The following GRIK2 variants were observed in gnomAD, a reference collection of about 807,000 sequenced individuals.
GRIK2 encodes glutamate receptor ionotropic, kainate 2.
In GRIK2, 32 loss-of-function variants were observed where a neutral mutation model predicts 100.3. That is an observed-to-expected ratio of 0.32 (90% CI 0.24 to 0.43). GRIK2 has a LOEUF of 0.43. GRIK2 is among the 20% of genes least tolerant of loss of function. GRIK2 has a pLI of 1.00. For missense variants in GRIK2, 843 were observed against 1,114.9 expected, an observed-to-expected ratio of 0.76 and a Z score of 3.47; for synonymous variants, 417 against 389.4, an observed-to-expected ratio of 1.07 and a Z score of -0.83.
chr6:101,798,443 A>T (rs572526433), intron 7 of GRIK2, among the ~76,000 whole-genome samples: 1 of 152,108 alleles, frequency 6.6e-6, no homozygotes, highest in East Asian at 1.9e-4. Context: ...GAAGGTTTGG[A>T]ATCTGAGTTA....
intron 7 of GRIK2, among the ~76,000 whole-genome samples, chr6:101,753,533 C>T (rs927423188): frequency 6.6e-6 from 1 of 151,824 alleles, no homozygotes; most frequent in Non-Finnish European, 1.5e-5. Context: ...GAATACAATC[C>T]ATGAAAGGTA....
chr6:101,781,566 C>A (rs527315825), intron 7 of GRIK2, among the ~76,000 whole-genome samples: 5 of 152,192 alleles, frequency 3.3e-5, no homozygotes, highest in Non-Finnish European at 7.4e-5. Flanking sequence ...TGCATACATA[C>A]ACACATACCC....
chr6:101,499,976 G>T (rs141168170), intron 2 of GRIK2, among the ~76,000 whole-genome samples: 117 of 152,116 alleles, frequency 7.7e-4, no homozygotes, highest in African/African-American at 2.7e-3. Flanking sequence ...GATATTATAG[G>T]TGTCATTTAT....
intron 7 of GRIK2, among the ~76,000 whole-genome samples, chr6:101,789,102 A>G (rs1436488054): frequency 3.9e-5 from 6 of 152,020 alleles, no homozygotes; most frequent in Non-Finnish European, 5.9e-5. Flanking sequence ...GATTCTGGAT[A>G]TTAGCCCTTT....
intron 14 of GRIK2, among the ~76,000 whole-genome samples, chr6:101,990,849 C>A (rs1054449000): frequency 5.3e-5 from 8 of 150,096 alleles, no homozygotes; most frequent in Non-Finnish European, 1.2e-4. Flanking sequence ...ATTTTTTTGA[C>A]CTTCCTTAGA....
At chr6:101,578,157 G>C (rs1425387304) in intron 2 of GRIK2, among the ~76,000 whole-genome samples, 1 of 152,138 alleles carries the variant, frequency 6.6e-6, no homozygotes, top group East Asian at 1.9e-4. Flanking sequence ...TACAGCCAGG[G>C]ATGCACAGGT....
chr6:101,997,430 A>G (rs1429749997), intron 14 of GRIK2, among the ~76,000 whole-genome samples: 1 of 152,016 alleles, frequency 6.6e-6, no homozygotes, highest in Non-Finnish European at 1.5e-5. Context: ...GTATTTTTAA[A>G]TTTTAAATGT....
intron 7 of GRIK2, among the ~76,000 whole-genome samples, chr6:101,743,524 T>C (rs1322984890): frequency 1.3e-5 from 2 of 152,184 alleles, no homozygotes; most frequent in African/African-American, 2.4e-5. Flanking sequence ...CTAATGCTTC[T>C]TTATCTTGGC....
At chr6:101,557,722 T>G (rs1336243458) in intron 2 of GRIK2, among the ~76,000 whole-genome samples, 1 of 152,212 alleles carries the variant, frequency 6.6e-6, no homozygotes, top group African/African-American at 2.4e-5. Context: ...AAATTTCTAC[T>G]GAGATACTTT....
In GRIK2 at chr6:101,418,281, A is replaced by C. The variant is rs189375325; in HGVS notation, c.115+18889A>C. Among the ~76,000 whole-genome samples, 419 of 152,296 alleles carry C rather than the reference A, an allele frequency of 2.8e-3. 3 individuals are homozygous for C. Among genetic ancestry groups the C allele is most frequent in the African/African-American group, 9.3e-3 (386 of 41,558 alleles). ...TTATCCATTTAAACATAATCCTAGA[A>C]TCTCCACAGACATACAGGAGTTCTT... On this transcript the variant is annotated intron_variant, in intron 2 of 16. Coordinates refer to ENST00000369134, the MANE Select transcript of GRIK2 (RefSeq NM_021956.5).
At chr6:101,464,609 C>T (rs898494480) in intron 2 of GRIK2, among the ~76,000 whole-genome samples, 5 of 141,278 alleles carry the variant, frequency 3.5e-5, no homozygotes, top group Admixed American at 1.5e-4. Flanking sequence ...CTCCGCCTCT[C>T]GGGTTCACGC....
intron 7 of GRIK2, among the ~76,000 whole-genome samples, chr6:101,733,809 A>T (rs997734473): frequency 6.9e-6 from 1 of 144,624 alleles, no homozygotes; most frequent in Non-Finnish European, 1.5e-5. Flanking sequence ...TCCTCAGCTA[A>T]TTATCTAGTT....
At chr6:101,444,758 C>T (rs1484967666) in intron 2 of GRIK2, among the ~76,000 whole-genome samples, 1 of 152,098 alleles carries the variant, frequency 6.6e-6, no homozygotes, top group Non-Finnish European at 1.5e-5. Context: ...TACTCTCTGT[C>T]TGCTCACTAC....
chr6:101,896,471 G>C (rs1054061359), intron 12 of GRIK2, among the ~76,000 whole-genome samples: 1 of 151,632 alleles, frequency 6.6e-6, no homozygotes, highest in Admixed American at 6.6e-5. Context: ...ATGCTAGTTG[G>C]CATTTTTTAA....
At chr6:102,005,576 C>G (rs1385614507) in intron 14 of GRIK2, among the ~76,000 whole-genome samples, 1 of 151,978 alleles carries the variant, frequency 6.6e-6, no homozygotes, top group Non-Finnish European at 1.5e-5. Context: ...TATAACCTTT[C>G]CATAAAAATA....
intron 4 of GRIK2, among the ~76,000 whole-genome samples, chr6:101,661,905 C>G (rs941240247): frequency 6.6e-6 from 1 of 152,156 alleles, no homozygotes; most frequent in Non-Finnish European, 1.5e-5. Context: ...GGAGCTGTTC[C>G]TATTCGGCCA....
chr6:101,624,543 A>G (rs748806722), intron 3 of GRIK2, among the ~76,000 whole-genome samples: 4 of 152,160 alleles, frequency 2.6e-5, no homozygotes, highest in Admixed American at 6.5e-5. Flanking sequence ...ATTATATTTT[A>G]TGGAGAAAAC....
At chr6:101,797,743 T>C (rs1193318462) in intron 7 of GRIK2, among the ~76,000 whole-genome samples, 3 of 146,786 alleles carry the variant, frequency 2.0e-5, no homozygotes, top group African/African-American at 4.9e-5. Flanking sequence ...ATAATGGTTA[T>C]ATATTAATAA....
chr6:101,563,997 C>T (rs916674328), intron 2 of GRIK2, among the ~76,000 whole-genome samples: 2 of 152,120 alleles, frequency 1.3e-5, no homozygotes, highest in African/African-American at 4.8e-5. Flanking sequence ...ATGAATATTA[C>T]AGTAAACTAC....
Sources: allele counts gnomAD v4.1 joint callset (sites outside exome capture counted in the v4.1 genomes callset), GRCh38; gene constraint gnomAD v4.1.1; transcripts MANE v1.5; gene names NCBI Gene and HGNC (gene_info 2026-07-23, HGNC 2026-07-21).